SLC25A26: variants seen among roughly 807,000 people sequenced by gnomAD.
SLC25A26 encodes the protein solute carrier family 25 member 26, also known as mitochondrial S-adenosylmethionine carrier protein.
In SLC25A26, 36 loss-of-function variants were observed where a neutral mutation model predicts 37.8. The ratio of observed to expected loss-of-function variants is 0.95; its 90% confidence interval spans 0.73 to 1.26. The LOEUF (loss-of-function observed/expected upper bound fraction) is 1.26, where lower values mean the gene tolerates loss of function less well. SLC25A26 is among the 50% of genes most tolerant of loss of function. The probability of loss-of-function intolerance (pLI) is 0.00; values close to 1 mark genes in which losing one functional copy is unlikely to be tolerated. For synonymous variants in SLC25A26, 129 were observed against 122.5 expected (o/e 1.05, Z -0.35); for missense variants, 390 against 331.1 (o/e 1.18, Z -1.38).
chr3:66,361,051 A>G (rs2076695629), intron 6 of SLC25A26, among the ~76,000 whole-genome samples: 1 of 152,254 alleles, frequency 6.6e-6, no homozygotes, highest in Non-Finnish European at 1.5e-5. Context: ...AGATAGGCCT[A>G]TAGATGAGAA....
At chr3:66,279,561 A>G (rs751627031) in intron 5 of SLC25A26, among the ~76,000 whole-genome samples, 10 of 152,296 alleles carry the variant, frequency 6.6e-5, no homozygotes, top group East Asian at 1.9e-4. Flanking sequence ...TCTAGTGCCT[A>G]TTATTTTACA....
At chr3:66,320,328 C>G (rs13323652) in intron 5 of SLC25A26, among the ~76,000 whole-genome samples, 2,009 of 152,160 alleles carry the variant, frequency 0.013, 46 homozygotes, top group African/African-American at 0.045. Flanking sequence ...TTTGCCTGTT[C>G]TAGTTATTTC....
At chr3:66,355,346 C>T (rs2076551222) in intron 6 of SLC25A26, among the ~76,000 whole-genome samples, 1 of 152,086 alleles carries the variant, frequency 6.6e-6, no homozygotes, top group South Asian at 2.1e-4. Flanking sequence ...ACAAGGTACA[C>T]ATCAACGCAT....
At chr3:66,168,428 A>C (rs907390034) in intron 1 of SLC25A26, among the ~76,000 whole-genome samples, 1 of 152,058 alleles carries the variant, frequency 6.6e-6, no homozygotes, top group Non-Finnish European at 1.5e-5. Flanking sequence ...AGGCAGGATA[A>C]AAACTTTTGC....
At chr3:66,178,981 A>T (rs1193536763) in intron 1 of SLC25A26, among the ~76,000 whole-genome samples, 4 of 152,170 alleles carry the variant, frequency 2.6e-5, no homozygotes, top group Non-Finnish European at 5.9e-5. Flanking sequence ...GCAGACAGGA[A>T]CATGAGGCTT....
intron 5 of SLC25A26, among the ~76,000 whole-genome samples, chr3:66,276,631 T>G (rs1022430289): frequency 9.6e-5 from 14 of 145,094 alleles, no homozygotes; most frequent in Non-Finnish European, 2.1e-4. Flanking sequence ...TTGTAGTCTG[T>G]CCTTTTTTGT....
At chr3:66,238,124 G>T (rs1335614637) in intron 2 of SLC25A26, among the ~76,000 whole-genome samples, 1 of 152,132 alleles carries the variant, frequency 6.6e-6, no homozygotes, top group African/African-American at 2.4e-5. Flanking sequence ...CGTGAGAGGG[G>T]CATGGGTTCC....
chr3:66,320,186 C>A (rs58665191), intron 5 of SLC25A26, among the ~76,000 whole-genome samples: 7,571 of 152,132 alleles, frequency 0.05, 592 homozygotes, highest in African/African-American at 0.17. Flanking sequence ...CAGTGTTGTG[C>A]AACCATGATC....
chr3:66,293,203 T>G (rs1234158267), intron 5 of SLC25A26: 1 of 152,230 alleles, frequency 6.6e-6, no homozygotes, highest in African/African-American at 2.4e-5. Flanking sequence ...TTAGTGTATG[T>G]GCTGCTGGAG....
At chr3:66,143,616 G>T (rs912605463) in intron 1 of SLC25A26, among the ~76,000 whole-genome samples, 3 of 152,222 alleles carry the variant, frequency 2.0e-5, no homozygotes, top group Non-Finnish European at 4.4e-5. Context: ...GGGAACAGTG[G>T]TTCACGCCTG....
At chr3:66,330,963 T>C (rs1351849437) in intron 5 of SLC25A26, among the ~76,000 whole-genome samples, 5 of 152,098 alleles carry the variant, frequency 3.3e-5, no homozygotes, top group Non-Finnish European at 7.4e-5. Context: ...TGTGAGAGTT[T>C]GTATATCTCA....
At position 66,338,060 on chromosome 3, in the gene SLC25A26, A is replaced by T. The variant is rs146466848; in HGVS notation, c.454-8304A>T. On this transcript the variant is annotated intron_variant, in intron 5 of 9. Transcript: ENST00000354883. ...CAGTCCCATTCTGCCTGCCCAGGTT[A>T]TTTTTGCCTTTTCTGGAATTTTATA... 5.1e-3 allele frequency among the ~76,000 whole-genome samples: 774 copies of T among 151,924 alleles called. 12 individuals carry two copies. Among genetic ancestry groups the T allele is most frequent in the African/African-American group, 0.014 (569 of 41,498 alleles).
At chr3:66,306,228 C>G (rs1003049471) in intron 5 of SLC25A26, among the ~76,000 whole-genome samples, 8 of 152,234 alleles carry the variant, frequency 5.3e-5, no homozygotes, top group Admixed American at 4.6e-4. Context: ...GATTCACCCA[C>G]CTTGGCCTCC....
intron 5 of SLC25A26, among the ~76,000 whole-genome samples, chr3:66,294,601 A>G (rs1345109717): frequency 6.6e-6 from 1 of 152,228 alleles, no homozygotes; most frequent in African/African-American, 2.4e-5. Context: ...TTGCGAGTCA[A>G]GGTGGAATTT....
At chr3:66,173,657 T>C (rs2070532265) in intron 1 of SLC25A26, among the ~76,000 whole-genome samples, 1 of 152,184 alleles carries the variant, frequency 6.6e-6, no homozygotes, top group African/African-American at 2.4e-5. Flanking sequence ...TAAAAGAACA[T>C]AATTGCCTTT....
Position 66,152,396 on chromosome 3 carries a change from A to G in SLC25A26, c.-354+18412A>G, listed in dbSNP as rs769579287. On this transcript the variant is annotated intron_variant, in intron 1 of 10. Transcript: ENST00000676754. ...CCAGATCAAAATGACTTACTTAAAA[A>G]ATAAGGGTGATTTATTTTGCAAATG... 1.3e-3 allele frequency among the ~76,000 whole-genome samples: 191 copies of G among 152,230 alleles called. 1 individual carries two copies. The highest frequency in any genetic ancestry group is 2.1e-3 in the Non-Finnish European group (144 of 68,048).
intron 1 of SLC25A26, among the ~76,000 whole-genome samples, chr3:66,211,095 C>T (rs1198105613): frequency 6.6e-6 from 1 of 152,190 alleles, no homozygotes; most frequent in African/African-American, 2.4e-5. Context: ...GCTATATCAG[C>T]ACCATTGGAT....
intron 6 of SLC25A26, among the ~76,000 whole-genome samples, chr3:66,346,715 C>CGTGCGTGTGTGTGT (rs1390289705): frequency 7.2e-6 from 1 of 138,882 alleles, no homozygotes; most frequent in Non-Finnish European, 1.6e-5. Flanking sequence ...TTGCTGTGTG[C>CGTGCGTGTGTGTGT]GTGTGTGTGT....
intron 1 of SLC25A26, among the ~76,000 whole-genome samples, chr3:66,149,783 AAT>A (rs1459544558): frequency 6.6e-6 from 1 of 152,196 alleles, no homozygotes; most frequent in African/African-American, 2.4e-5. Flanking sequence ...GCAATTTGAT[AAT>A]GACACCAGGA....
Sources: gnomAD v4.1 joint callset for allele counts (sites outside exome capture counted in the v4.1 genomes callset) on GRCh38, gnomAD v4.1.1 for gene constraint, MANE v1.5 for transcripts, NCBI Gene and HGNC (gene_info 2026-07-23, HGNC 2026-07-21) for gene names.